RHOH: variants seen among roughly 807,000 people sequenced by gnomAD.
The protein encoded by RHOH is ras homolog family member H.
Under a neutral mutation model 13.8 loss-of-function variants are expected in RHOH, and 6 were observed. The ratio of observed to expected loss-of-function variants is 0.44; its 90% CI spans 0.24 to 0.86. RHOH has a LOEUF of 0.86. Ranked by LOEUF, RHOH falls within the 40% of genes least tolerant of loss-of-function variation. The pLI, the probability that RHOH is intolerant of heterozygous loss-of-function variation, is 0.24. For missense variants in RHOH, 147 were observed against 244.5 expected (o/e 0.60, Z 2.66); for synonymous variants, 117 against 103.0 (o/e 1.14, Z -0.82).
At chr4:40,217,039 G>C (rs534535958) in intron 1 of RHOH, among the ~76,000 whole-genome samples, 119 of 152,320 alleles carry the variant, frequency 7.8e-4, no homozygotes, top group South Asian at 1.9e-3. Context: ...GTTGGACACA[G>C]TCCAAATCAC....
intron 1 of RHOH, among the ~76,000 whole-genome samples, chr4:40,226,849 G>A (rs745693056): frequency 2.6e-5 from 4 of 152,098 alleles, no homozygotes; most frequent in Non-Finnish European, 5.9e-5. Flanking sequence ...TGTTTAAAAA[G>A]TATTTTTATA....
chr4:40,237,885 G>A (rs1056207428), intron 1 of RHOH, among the ~76,000 whole-genome samples: 5 of 152,084 alleles, frequency 3.3e-5, no homozygotes, highest in African/African-American at 1.2e-4. Context: ...AATAACAATC[G>A]GTTAATAATA....
rs116462904 is a variant in RHOH, at chr4:40,218,742, C to G, written c.-331+21442C>G. On this transcript the variant is annotated intron_variant, in intron 1 of 2. Transcript: ENST00000381799. This position sits in a 1 kb window ranked among gnomAD's most constrained non-coding sequence, Gnocchi z 4.1. ...CCTTGGAGGGGCCCTGAGAGCCCAT[C>G]TAGTTCAATGCCTCATTTTGCGGAT... Among the ~76,000 whole-genome samples the G allele has an allele frequency of 6.1e-3, 925 of 152,306 alleles. 5 individuals are homozygous for G. Among genetic ancestry groups the G allele is most frequent in the African/African-American group, 0.021 (887 of 41,568 alleles).
chr4:40,193,913 C>T (rs1354051254), upstream of RHOH: 7 of 152,274 alleles, frequency 4.6e-5, no homozygotes, highest in African/African-American at 1.7e-4. Flanking sequence ...GAAAATGGTA[C>T]AAGGCCTGAG....
chr4:40,220,747 A>C (rs966948323), intron 1 of RHOH, among the ~76,000 whole-genome samples: 1 of 152,208 alleles, frequency 6.6e-6, no homozygotes, highest in African/African-American at 2.4e-5. Context: ...CCCTTTTTTT[A>C]GACTTCTATG....
chr4:40,199,175 C>A (rs907168558), intron 1 of RHOH, among the ~76,000 whole-genome samples: 1 of 151,976 alleles, frequency 6.6e-6, no homozygotes, highest in Admixed American at 6.6e-5. Context: ...AGAGGGTTGT[C>A]GTAGAGATCA....
chr4:40,222,861 C>A (rs1178259707), intron 1 of RHOH, among the ~76,000 whole-genome samples: 1 of 152,194 alleles, frequency 6.6e-6, no homozygotes, highest in African/African-American at 2.4e-5. Flanking sequence ...ATTTTAGATG[C>A]CATTCAGAAC....
chr4:40,207,717 G>A (rs1042377377), intron 1 of RHOH, among the ~76,000 whole-genome samples: 9 of 152,126 alleles, frequency 5.9e-5, no homozygotes, highest in Non-Finnish European at 1.2e-4. Flanking sequence ...CTGTAATCCC[G>A]GCACTTTGGG....
intron 1 of RHOH, chr4:40,212,537 T>C (rs1238766131): frequency 6.6e-6 from 1 of 152,154 alleles, no homozygotes; most frequent in African/African-American, 2.4e-5. Flanking sequence ...CACCTCTCTT[T>C]TGTATATAGG....
chr4:40,204,280 T>C (rs986992329), intron 1 of RHOH, among the ~76,000 whole-genome samples: 5 of 152,200 alleles, frequency 3.3e-5, no homozygotes, highest in African/African-American at 1.2e-4. Flanking sequence ...TGAGACATGA[T>C]GTGGTAAATC....
At chr4:40,238,403 C>A (rs998323197) in intron 1 of RHOH, among the ~76,000 whole-genome samples, 2 of 152,160 alleles carry the variant, frequency 1.3e-5, no homozygotes, top group Non-Finnish European at 2.9e-5. Context: ...CAAAAGGAAA[C>A]CAGGATTTCC....
Position 40,201,939 on chromosome 4 carries a change from C to T in RHOH, c.-331+4639C>T, listed in dbSNP as rs192670844. On this transcript the variant is annotated intron_variant, in intron 1 of 2. Transcript: ENST00000381799. Reference sequence around the variant, plus strand: ...AATAGGAGTTCTGGCAACATTAACTCCATGAGTTTTTTTTTTTTTTTTTTT... The same window carrying T: ...AATAGGAGTTCTGGCAACATTAACTTCATGAGTTTTTTTTTTTTTTTTTTT... Among the ~76,000 whole-genome samples, 591 of 150,124 alleles carry T rather than the reference C, an allele frequency of 3.9e-3. 4 individuals are homozygous for T. Among genetic ancestry groups the T allele is most frequent in the Non-Finnish European group, 4.4e-3 (301 of 67,740 alleles).
At chr4:40,203,099 G>A (rs548447822) in intron 1 of RHOH, among the ~76,000 whole-genome samples, 242 of 152,264 alleles carry the variant, frequency 1.6e-3, no homozygotes, top group Non-Finnish European at 2.6e-3. Context: ...AGCCTCCGGA[G>A]TAGCTGGGAA....
chr4:40,239,414 AC>A (rs2109565153), intron 1 of RHOH, among the ~76,000 whole-genome samples: 1 of 152,200 alleles, frequency 6.6e-6, no homozygotes, highest in South Asian at 2.1e-4. Context: ...CACACAGAAC[AC>A]CCTTTGCTGG....
At position 40,243,738 on chromosome 4, in the gene RHOH, A is replaced by C. The variant is rs1237247535; in HGVS notation, c.352A>C (p.Thr118Pro). ...CTPVLVVATQTDQREMGPHRA... is the reference protein window; with the variant it reads ...CTPVLVVATQPDQREMGPHRA... ...CCCTGTGCTGGTGGTGGCCACCCAG[A>C]CTGACCAGCGGGAGATGGGGCCCCA... The change falls in exon 3 of 3, where the codon ACT becomes CCT. Residue 118 changes from threonine (T) to proline (P), a missense_variant. By Grantham distance (38) the Thr-to-Pro change is conservative. Transcript: ENST00000381799. The surrounding 1 kb of genome is among the most constrained non-coding windows in gnomAD (Gnocchi z 6.2). The C allele has an allele frequency of 6.2e-7, 1 of 1,613,974 alleles. No individual in the cohort carries two copies. Among genetic ancestry groups the C allele is most frequent in the Non-Finnish European group, 8.5e-7 (1 of 1,180,024 alleles).
chr4:40,204,845 C>T (rs1388230262), intron 1 of RHOH, among the ~76,000 whole-genome samples: 2 of 152,188 alleles, frequency 1.3e-5, no homozygotes, highest in Non-Finnish European at 2.9e-5. Flanking sequence ...GATTAATGCT[C>T]TAAATCCTTA....
At chr4:40,225,727 G>A (rs189481345) in intron 1 of RHOH, among the ~76,000 whole-genome samples, 7 of 152,214 alleles carry the variant, frequency 4.6e-5, no homozygotes, top group Admixed American at 1.3e-4. Context: ...ATGTATTTCC[G>A]GCCTTTCTTC....
intron 1 of RHOH, among the ~76,000 whole-genome samples, chr4:40,205,349 C>A (rs1390709430): frequency 1.3e-5 from 2 of 152,190 alleles, no homozygotes; most frequent in African/African-American, 2.4e-5. Flanking sequence ...GCTGATGCCC[C>A]TAAGCAACGT....
upstream of RHOH, chr4:40,196,906 A>G (rs1723199612): frequency 6.6e-6 from 1 of 152,152 alleles, no homozygotes; most frequent in Non-Finnish European, 1.5e-5. Flanking sequence ...GGGAAGTTTC[A>G]TATTCTAATG....
Sources: allele counts gnomAD v4.1 joint callset (sites outside exome capture counted in the v4.1 genomes callset), GRCh38; gene constraint gnomAD v4.1.1; non-coding constraint Gnocchi (gnomAD v3.1); transcripts MANE v1.5; gene names NCBI Gene and HGNC (gene_info 2026-07-23, HGNC 2026-07-21).